The following ANKIB1 variants were observed in gnomAD, a reference collection of about 807,000 sequenced individuals.
The protein encoded by ANKIB1 is ankyrin repeat and IBR domain-containing protein 1.
ANKIB1 carries 43 observed loss-of-function variants against 122.1 expected under a neutral mutation model. The ratio of observed to expected loss-of-function variants is 0.35; its 90% CI spans 0.28 to 0.45. The LOEUF is 0.45. Ranked by LOEUF, ANKIB1 falls within the 20% of genes least tolerant of loss-of-function variation. ANKIB1 has a pLI of 1.00. For synonymous variants in ANKIB1, 390 were observed against 442.0 expected, an observed-to-expected ratio of 0.88 and a Z score of 1.48; for missense variants, 992 against 1,329.5, an observed-to-expected ratio of 0.75 and a Z score of 3.95.
intron 2 of ANKIB1, among the ~76,000 whole-genome samples, chr7:92,297,718 C>G (rs1258536571): frequency 6.6e-6 from 1 of 151,908 alleles, no homozygotes; most frequent in Non-Finnish European, 1.5e-5. Flanking sequence ...ATTAATTTTA[C>G]TAAAGCATAG....
At chr7:92,362,400 T>G in intron 10 of ANKIB1, 127 bp downstream of exon 10, 3 of 794,874 alleles carry the variant, frequency 3.8e-6, no homozygotes, top group East Asian at 2.8e-5. Flanking sequence ...CTCTCCTGTT[T>G]AACATCACAA....
At chr7:92,322,243 CTTATT>C (rs965171908) in intron 4 of ANKIB1, among the ~76,000 whole-genome samples, 1 of 152,040 alleles carries the variant, frequency 6.6e-6, no homozygotes, top group Admixed American at 6.6e-5. Flanking sequence ...AAAATACCAT[CTTATT>C]TTAATTTATA....
At chr7:92,318,892 T>C (rs1802847998) in intron 3 of ANKIB1, among the ~76,000 whole-genome samples, 1 of 152,236 alleles carries the variant, frequency 6.6e-6, no homozygotes, top group Admixed American at 6.5e-5. Flanking sequence ...ATGAAACTTT[T>C]GTCTGCCATG....
intron 2 of ANKIB1, among the ~76,000 whole-genome samples, chr7:92,297,185 A>G (rs1395092034): frequency 1.3e-5 from 2 of 152,246 alleles, no homozygotes; most frequent in East Asian, 3.8e-4. Context: ...ACTGAAGCAC[A>G]GTAAGGTCTC....
At chr7:92,342,180 G>A (rs143118402) in intron 5 of ANKIB1, among the ~76,000 whole-genome samples, 41 of 152,186 alleles carry the variant, frequency 2.7e-4, no homozygotes, top group African/African-American at 7.9e-4. Context: ...ATCATGGGAC[G>A]AACACAGCCT....
At chr7:92,268,789 G>A (rs538948852) in intron 1 of ANKIB1, among the ~76,000 whole-genome samples, 7 of 152,168 alleles carry the variant, frequency 4.6e-5, no homozygotes, top group Non-Finnish European at 5.9e-5. Flanking sequence ...CTTAATTGGT[G>A]TCCTTTGACT....
chr7:92,282,643 A>G (rs1322978325), intron 1 of ANKIB1, among the ~76,000 whole-genome samples: 1 of 152,260 alleles, frequency 6.6e-6, no homozygotes, highest in Non-Finnish European at 1.5e-5. Context: ...CAACAGCACC[A>G]CAGTGTAAGA....
intron 10 of ANKIB1, among the ~76,000 whole-genome samples, chr7:92,363,270 G>T (rs1461185165): frequency 6.6e-6 from 1 of 152,116 alleles, no homozygotes; most frequent in Non-Finnish European, 1.5e-5. Flanking sequence ...AATTAGCTGG[G>T]CGTGGTGGCA....
At chr7:92,279,350 G>A (rs1176740875) in intron 1 of ANKIB1, among the ~76,000 whole-genome samples, 1 of 152,202 alleles carries the variant, frequency 6.6e-6, no homozygotes, top group Non-Finnish European at 1.5e-5. Context: ...TTCTTGTGAT[G>A]TGCGCCAACT....
chr7:92,309,608 T>A (rs541060979), intron 3 of ANKIB1, among the ~76,000 whole-genome samples: 1 of 152,158 alleles, frequency 6.6e-6, no homozygotes, highest in South Asian at 2.1e-4. Context: ...TAGATTTTTC[T>A]GGATGGTAGC....
intron 14 of ANKIB1, 21 bp downstream of exon 14, chr7:92,388,062 G>A (rs1053844738): frequency 1.9e-6 from 3 of 1,542,578 alleles, no homozygotes; most frequent in Non-Finnish European, 2.6e-6. Context: ...AGTTGTATGT[G>A]TGATAATTAA....
chr7:92,303,782 C>G (rs1802500438), intron 2 of ANKIB1, among the ~76,000 whole-genome samples: 1 of 152,028 alleles, frequency 6.6e-6, no homozygotes, highest in Non-Finnish European at 1.5e-5. Context: ...AATAAGTTAG[C>G]TCTTAGGAAA....
intron 3 of ANKIB1, among the ~76,000 whole-genome samples, chr7:92,309,940 A>AAAAAAAAAAAAAAT (rs1802652651): frequency 9.5e-6 from 1 of 105,308 alleles, no homozygotes; most frequent in African/African-American, 3.9e-5. Context: ...AAAAAAAAAA[A>AAAAAAAAAAAAAAT]AAATATATAT....
rs904824015 is a variant in ANKIB1 at position 92,399,371 on chromosome 7, A to C, written c.*422A>C. The C allele has an allele frequency of 6.6e-6, 1 of 152,094 alleles. No individual in the cohort carries two copies. The highest frequency in any genetic ancestry group is 3.4e-3 in the Middle Eastern group (1 of 294). The allele number at this position is 152,094 out of a possible 1,614,324, so 9.4% of individuals were successfully genotyped here. A position where few individuals can be genotyped will look rare whatever the true frequency, so the allele number is the denominator to read the frequency against. On this transcript the variant is annotated 3_prime_UTR_variant, in exon 20 of 20. Transcript: ENST00000265742. ...AAAGTTTTCTTCATTCTAGAAATTT[A>C]TTTTGGATAAATCCGATAACATATA...
chr7:92,360,179 T>C (rs528729146), intron 9 of ANKIB1, among the ~76,000 whole-genome samples: 18 of 152,200 alleles, frequency 1.2e-4, no homozygotes, highest in African/African-American at 3.9e-4. Flanking sequence ...TTTCAGAACT[T>C]TTTCATTATC....
intron 11 of ANKIB1, among the ~76,000 whole-genome samples, chr7:92,377,491 A>G (rs1256113833): frequency 6.6e-6 from 1 of 152,248 alleles, no homozygotes; most frequent in African/African-American, 2.4e-5. Flanking sequence ...ACAGACGAGC[A>G]GTGAGCACAT....
chr7:92,307,780 C>T (rs1258674537), intron 3 of ANKIB1, 124 bp downstream of exon 3: 174 of 288,154 alleles, frequency 6.0e-4, no homozygotes, highest in South Asian at 2.6e-3. Flanking sequence ...CTTTTGTCTT[C>T]TAAAAGACCC....
intron 1 of ANKIB1, among the ~76,000 whole-genome samples, chr7:92,283,637 CA>C (rs952721295): frequency 5.9e-5 from 9 of 152,124 alleles, no homozygotes; most frequent in Admixed American, 5.9e-4. Flanking sequence ...TGATCTACCA[CA>C]ATGGTCCCAT....
chr7:92,270,114 G>T (rs1489875579), intron 1 of ANKIB1, among the ~76,000 whole-genome samples: 1 of 152,112 alleles, frequency 6.6e-6, no homozygotes, highest in Non-Finnish European at 1.5e-5. Context: ...CCAAGCTGGA[G>T]TGCAGTGGTG....
Sources: gnomAD v4.1 joint callset for allele counts (sites outside exome capture counted in the v4.1 genomes callset) on GRCh38, gnomAD v4.1.1 for gene constraint, MANE v1.5 for transcripts, NCBI Gene and HGNC (gene_info 2026-07-23, HGNC 2026-07-21) for gene names.